Variants in STAT5B observed in about 807,000 individuals in gnomAD.
STAT5B encodes transcription factor STAT5B.
Under a neutral mutation model 107.8 loss-of-function variants are expected in STAT5B, and 21 were observed. The observed-to-expected ratio is 0.19, with a 90% confidence interval of 0.14 to 0.28. STAT5B has a LOEUF of 0.28. STAT5B is among the 10% of genes least tolerant of loss of function. The pLI is 1.00. For missense variants in STAT5B, 565 were observed against 1,008.2 expected, an observed-to-expected ratio of 0.56 and a Z score of 5.95; for synonymous variants, 325 against 401.7, an observed-to-expected ratio of 0.81 and a Z score of 2.28.
Position 42,209,950 on chromosome 17 carries a change from T to C in STAT5B, c.1906+221A>G, listed in dbSNP as rs1598297095. Among the ~76,000 whole-genome samples the C allele has an allele frequency of 2.0e-5, 3 of 152,360 alleles. 1 individual carries two copies. On this transcript the variant is annotated intron_variant, in intron 15 of 18. Coordinates refer to ENST00000293328, the MANE Select transcript of STAT5B (RefSeq NM_012448.4). ...ATGGTTAAATGTTCATGTGTAACCA[T>C]GCTGCCATATACTTTCATGTATAAC...
At chr17:42,270,666 T>G (rs377309281) in intron 1 of STAT5B, 1 of 152,092 alleles carries the variant, frequency 6.6e-6, no homozygotes, top group South Asian at 2.1e-4. Flanking sequence ...GAGACTCCAT[T>G]TGGGAACACA....
chr17:42,212,292 A>G (rs2080136092), intron 12 of STAT5B, 102 bp from the exon 13 acceptor site: 1 of 1,575,932 alleles, frequency 6.3e-7, no homozygotes, highest in Admixed American at 1.8e-5. Flanking sequence ...GGTTACACAC[A>G]TTTGTCTTGC....
At chr17:42,267,296 A>T (rs2080681490) in intron 1 of STAT5B, among the ~76,000 whole-genome samples, 1 of 152,156 alleles carries the variant, frequency 6.6e-6, no homozygotes, top group Non-Finnish European at 1.5e-5. Context: ...TAAAAAAAAA[A>T]GTTAACTGTA....
intron 16 of STAT5B, among the ~76,000 whole-genome samples, chr17:42,207,045 G>C (rs1350259302): frequency 5.3e-5 from 8 of 151,646 alleles, no homozygotes; most frequent in African/African-American, 1.9e-4. Flanking sequence ...CCTAATTTTT[G>C]TATTTTTTGT....
chr17:42,271,511 A>T (rs751802566), intron 1 of STAT5B: 2 of 152,240 alleles, frequency 1.3e-5, no homozygotes, highest in Non-Finnish European at 2.9e-5. Flanking sequence ...ATGAGTCAGC[A>T]CAAGCACCTC....
chr17:42,205,401 C>T (rs2080077509), intron 16 of STAT5B, among the ~76,000 whole-genome samples: 1 of 152,078 alleles, frequency 6.6e-6, no homozygotes, highest in African/African-American at 2.4e-5. Context: ...TAGACTCCAA[C>T]CTTTCACCCT....
chr17:42,221,078 C>T (rs1354930149), intron 5 of STAT5B, among the ~76,000 whole-genome samples: 1 of 152,148 alleles, frequency 6.6e-6, no homozygotes, highest in African/African-American at 2.4e-5. Flanking sequence ...CACTCTGACC[C>T]CAGCCCTGAC....
At chr17:42,263,473 T>C (rs2144403908) in intron 1 of STAT5B, among the ~76,000 whole-genome samples, 1 of 152,076 alleles carries the variant, frequency 6.6e-6, no homozygotes, top group Admixed American at 6.6e-5. Flanking sequence ...TAAAGATAAC[T>C]TTTTTTTCCT....
intron 17 of STAT5B, 55 bp from the exon 18 acceptor site, chr17:42,202,502 T>A: frequency 1.3e-6 from 2 of 1,594,996 alleles, no homozygotes; most frequent in Non-Finnish European, 1.7e-6. Context: ...GGCAGCTGAC[T>A]TGGGGAGGGG....
chr17:42,211,919 A>G, intron 13 of STAT5B, 65 bp downstream of exon 13: 1 of 1,556,682 alleles, frequency 6.4e-7, no homozygotes, highest in African/African-American at 1.4e-5. Context: ...CAGGGCAGGG[A>G]GACTCCTGAG....
chr17:42,258,129 C>T (rs1327198806), intron 1 of STAT5B, among the ~76,000 whole-genome samples: 6 of 152,160 alleles, frequency 3.9e-5, no homozygotes, highest in African/African-American at 1.4e-4. Context: ...TGGAAATCAT[C>T]CTCAAATGTA....
intron 1 of STAT5B, among the ~76,000 whole-genome samples, chr17:42,267,958 C>CAA (rs776320350): frequency 1.0e-4 from 6 of 57,284 alleles, no homozygotes; most frequent in Non-Finnish European, 2.2e-4. Flanking sequence ...GACTCCATCT[C>CAA]AAAAAAAAAA....
Position 42,201,518 on chromosome 17 carries a change from A to G in STAT5B, c.*220T>C. On this transcript the variant is annotated 3_prime_UTR_variant, in exon 19 of 19. Coordinates refer to ENST00000293328, the MANE Select transcript of STAT5B (RefSeq NM_012448.4). ...GAGAGGGAGAAACACCATAACGTGC[A>G]AACACGCACACACACACACACACAC... The G allele has an allele frequency of 3.2e-6, 2 of 631,848 alleles. No homozygotes were observed. The highest frequency in any genetic ancestry group is 3.5e-5 in the South Asian group (2 of 56,910). The allele number at this position is 631,848 out of a possible 1,614,324, so 39.1% of individuals were successfully genotyped here.
chr17:42,245,722 C>T (rs1470307578), intron 1 of STAT5B, among the ~76,000 whole-genome samples: 2 of 152,004 alleles, frequency 1.3e-5, no homozygotes, highest in Non-Finnish European at 2.9e-5. Context: ...CGGGTTTTCA[C>T]CATGTTGGCC....
At chr17:42,216,430 C>A (rs1239304354) in intron 11 of STAT5B, among the ~76,000 whole-genome samples, 2 of 152,194 alleles carry the variant, frequency 1.3e-5, no homozygotes, top group African/African-American at 4.8e-5. Context: ...TTAAAACTTA[C>A]CACAACCTTT....
chr17:42,287,330 A>ACCCG, the STAT5B span, among the ~76,000 whole-genome samples: 1 of 144,446 alleles, frequency 6.9e-6, no homozygotes, highest in African/African-American at 2.7e-5. Context: ...ATGAGAATGC[A>ACCCG]CCCCCCCCAA....
intron 1 of STAT5B, chr17:42,235,036 T>C (rs1490624831): frequency 6.6e-6 from 1 of 152,162 alleles, no homozygotes; most frequent in Non-Finnish European, 1.5e-5. Flanking sequence ...TACCAACAGA[T>C]ACAAAAATTC....
intron 16 of STAT5B, among the ~76,000 whole-genome samples, chr17:42,205,739 A>G (rs1420774086): frequency 6.6e-6 from 1 of 152,094 alleles, no homozygotes; most frequent in Admixed American, 6.5e-5. Context: ...GCAAGACCCC[A>G]TATCTATAAA....
At position 42,207,616 on chromosome 17, in the gene STAT5B, C is replaced by T; in HGVS notation, c.2019G>A (p.Arg673=). ...ATTTGGAGTATACTTCATCTTTTGG[C>T]CGATCAGGAAACACGTAGATAAGGT... is the stretch of plus-strand genomic sequence containing the variant. The part of the protein sequence containing the change: ...LNYLIYVFPD[R]PKDEVYSKYY... Residue 673 remains arginine, a synonymous_variant, in exon 16 of 19, where the codon CGG becomes CGA. Transcript: ENST00000293328. 1.9e-6 allele frequency: 3 copies of T among 1,613,942 alleles called. No homozygotes were observed. Among genetic ancestry groups the T allele is most frequent in the Non-Finnish European group, 2.5e-6 (3 of 1,180,018 alleles).
Sources: gnomAD v4.1 joint callset for allele counts (sites outside exome capture counted in the v4.1 genomes callset) on GRCh38, gnomAD v4.1.1 for gene constraint, MANE v1.5 for transcripts, NCBI Gene and HGNC (gene_info 2026-07-23, HGNC 2026-07-21) for gene names.